The following TOM1L2 variants were observed in gnomAD, a reference collection of about 807,000 sequenced individuals.
The protein encoded by TOM1L2 is TOM1-like protein 2.
A neutral mutation model predicts 67.9 loss-of-function variants in TOM1L2; 31 were observed. The ratio of observed to expected loss-of-function variants is 0.46; its 90% CI spans 0.34 to 0.62. The LOEUF (loss-of-function observed/expected upper bound fraction) is 0.62, where lower values mean the gene tolerates loss of function less well. Ranked by LOEUF, TOM1L2 falls within the 20% of genes least tolerant of loss-of-function variation. TOM1L2 has a pLI of 0.01. For missense variants in TOM1L2, 606 were observed against 663.5 expected (o/e 0.91, Z 0.95); for synonymous variants, 256 against 254.0 (o/e 1.01, Z -0.07).
At chr17:17,883,769 C>T (rs2037850109) in intron 5 of TOM1L2, among the ~76,000 whole-genome samples, 1 of 152,166 alleles carries the variant, frequency 6.6e-6, no homozygotes. Context: ...CATGCTTGCC[C>T]TTTGGGTATC....
chr17:17,887,030 G>A (rs764083091), intron 4 of TOM1L2, among the ~76,000 whole-genome samples: 1 of 152,256 alleles, frequency 6.6e-6, no homozygotes, highest in Non-Finnish European at 1.5e-5. Flanking sequence ...AGAGTGCTCG[G>A]AGGTGCAGGC....
At chr17:17,861,331 G>A (rs2036546570) in intron 12 of TOM1L2, 145 bp downstream of exon 12, 10 of 660,302 alleles carry the variant, frequency 1.5e-5, no homozygotes, top group South Asian at 9.7e-5. Flanking sequence ...TGGGTTCCAC[G>A]GGGTGTCCCC....
At position 17,844,943 on chromosome 17, in the gene TOM1L2, C is replaced by CA. The variant is rs1479234187; in HGVS notation, c.*2691dup. ...TACTGTATCTGTGATTTCTAACACT[C>CA]ACGGAGAGGCTGGTGGGCCTTGAGA... On this transcript the variant is annotated 3_prime_UTR_variant, in exon 15 of 15. Transcript: ENST00000379504. 1 of 152,464 alleles carries CA rather than the reference C, an allele frequency of 6.6e-6. No homozygotes were observed. The highest frequency in any genetic ancestry group is 2.4e-5 in the African/African-American group (1 of 41,456). 9.4% of individuals were successfully genotyped at this position (152,464 alleles called of 1,614,324 possible).
At position 17,845,524 on chromosome 17, in the gene TOM1L2, C is replaced by T. The variant is rs1002848055; in HGVS notation, c.*2111G>A. 34 of 152,302 alleles carry T rather than the reference C, an allele frequency of 2.2e-4. No individual in the cohort carries two copies. The highest frequency in any genetic ancestry group is 4.4e-4 in the Non-Finnish European group (30 of 68,076). 9.4% of individuals were successfully genotyped at this position (152,302 alleles called of 1,614,324 possible). ...CTCCTGGTTCCATGAGGCAGGGAGG[C>T]TGGCTCTTCCCTCTGAGGACACTGG... On this transcript the variant is annotated 3_prime_UTR_variant, in exon 15 of 15. Coordinates refer to ENST00000379504, the MANE Select transcript of TOM1L2 (RefSeq NM_001082968.2).
At chr17:17,957,865 C>T (rs1035580148) in intron 1 of TOM1L2, among the ~76,000 whole-genome samples, 2 of 151,596 alleles carry the variant, frequency 1.3e-5, no homozygotes, top group Non-Finnish European at 2.9e-5. Flanking sequence ...CCGAGGTGGG[C>T]GGATCATGAG....
intron 6 of TOM1L2, among the ~76,000 whole-genome samples, chr17:17,880,681 T>C (rs2037676085): frequency 1.3e-5 from 2 of 152,096 alleles, no homozygotes. Context: ...AGCAGCAACA[T>C]CCAGAGCCGG....
intron 1 of TOM1L2, among the ~76,000 whole-genome samples, chr17:17,931,370 G>A (rs550413669): frequency 2.0e-5 from 3 of 152,288 alleles, no homozygotes; most frequent in Admixed American, 1.3e-4. Flanking sequence ...AAGATCTTTG[G>A]AGTCAGACCA....
intron 1 of TOM1L2, among the ~76,000 whole-genome samples, chr17:17,966,142 C>T (rs1311689623): frequency 1.3e-5 from 2 of 151,954 alleles, no homozygotes; most frequent in African/African-American, 4.8e-5. Flanking sequence ...AACAAAAAAA[C>T]AAACAAAAAA....
intron 1 of TOM1L2, among the ~76,000 whole-genome samples, chr17:17,936,731 CAG>C (rs1443167011): frequency 1.3e-5 from 2 of 152,024 alleles, no homozygotes; most frequent in African/African-American, 4.8e-5. Flanking sequence ...GTGGGAAAAA[CAG>C]GGCACAAAAT....
chr17:17,898,653 G>A lies in TOM1L2; in HGVS notation c.159C>T (p.Ala53=), dbSNP rs1210649136. 3 of 1,614,196 alleles carry A rather than the reference G, an allele frequency of 1.9e-6. No individual in the cohort carries two copies. The highest frequency in any genetic ancestry group is 2.5e-6 in the Non-Finnish European group (3 of 1,180,054). Residue 53 remains alanine (A), a synonymous_variant, in exon 3 of 15, where the codon GCC becomes GCT. Coordinates refer to ENST00000379504, the MANE Select transcript of TOM1L2 (RefSeq NM_001082968.2). ...TEEGPKDAIR[A]LKKRLNGNRN... is the part of the protein sequence containing the mutation. The stretch of plus-strand genomic sequence containing the variant: ...GGTTCCCGTTGAGCCGCTTCTTCAG[G>A]GCTCGAATGGCATCCTTTGGCCTGG...
In TOM1L2 at chr17:17,866,929, CAG is replaced by C. The variant is rs774592333; in HGVS notation, c.912-7_912-6del. 17 of 1,613,820 alleles carry C rather than the reference CAG, an allele frequency of 1.1e-5. No homozygotes were observed. The African/African-American group carries it at 1.5e-4, about 14-fold the overall frequency. On this transcript the variant is annotated splice_region_variant and splice_polypyrimidine_tract_variant and intron_variant, in intron 8 of 14. Coordinates refer to ENST00000379504, the MANE Select transcript of TOM1L2 (RefSeq NM_001082968.2). ...CCAGACCTGTATCGTTCGAACCTAACAGGGGAAGGGAAAGCAGAAGTAAGGAG... is the reference window on the plus strand; with the variant it reads ...CCAGACCTGTATCGTTCGAACCTAACGGGAAGGGAAAGCAGAAGTAAGGAG...
intron 1 of TOM1L2, among the ~76,000 whole-genome samples, chr17:17,922,710 G>C (rs1166813046): frequency 6.6e-6 from 1 of 152,180 alleles, no homozygotes; most frequent in Non-Finnish European, 1.5e-5. Context: ...AGTGATATAA[G>C]ACACGAAACA....
intron 12 of TOM1L2, chr17:17,851,281 G>A (rs1484686932): frequency 1.1e-5 from 4 of 372,752 alleles, no homozygotes; most frequent in Non-Finnish European, 2.0e-5. Flanking sequence ...TCAGCCCGGG[G>A]CTGCAAAACA....
At chr17:17,915,512 C>T (rs1392260494) in intron 1 of TOM1L2, among the ~76,000 whole-genome samples, 3 of 151,726 alleles carry the variant, frequency 2.0e-5, no homozygotes, top group African/African-American at 7.3e-5. Context: ...TGGCCCCTCA[C>T]CCCTTTTTTT....
chr17:17,888,963 C>T (rs1338426551), intron 4 of TOM1L2, among the ~76,000 whole-genome samples: 1 of 152,204 alleles, frequency 6.6e-6, no homozygotes, highest in Non-Finnish European at 1.5e-5. Context: ...GTCTTTGGTG[C>T]CCCTGGGGGT....
intron 12 of TOM1L2, chr17:17,851,173 G>C (rs1165686977): frequency 1.8e-6 from 1 of 567,028 alleles, no homozygotes; most frequent in Non-Finnish European, 3.2e-6. Context: ...TAAGAAGCAG[G>C]CTCCCGGCAG....
intron 1 of TOM1L2, among the ~76,000 whole-genome samples, chr17:17,936,787 T>C (rs1275776319): frequency 1.3e-5 from 2 of 152,204 alleles, no homozygotes; most frequent in Non-Finnish European, 2.9e-5. Flanking sequence ...GTTTTAATAA[T>C]ACAGGAAGAA....
chr17:17,869,546 T>A lies in TOM1L2; in HGVS notation c.778-73A>T. 1 of 1,504,250 alleles carries A rather than the reference T, an allele frequency of 6.6e-7. No homozygotes were observed. The highest frequency in any genetic ancestry group is 8.8e-7 in the Non-Finnish European group (1 of 1,130,074). The allele number at this position is 1,504,250 out of a possible 1,614,324, so 93.2% of individuals were successfully genotyped here. A position where few individuals can be genotyped will look rare whatever the true frequency, so the allele number is the denominator to read the frequency against. The stretch of plus-strand genomic sequence containing the variant: ...TCACATTCTATCTCCTTTGAAAAAA[T>A]TTGTACTGATTCTTAAAAGTCACAA... On this transcript the variant is annotated intron_variant, in intron 7 of 14. Coordinates refer to ENST00000379504, the MANE Select transcript of TOM1L2 (RefSeq NM_001082968.2).
At chr17:17,862,520 A>AGT (rs2036613667) in intron 11 of TOM1L2, 3 of 529,652 alleles carry the variant, frequency 5.7e-6, no homozygotes, top group Non-Finnish European at 9.9e-6. Flanking sequence ...AGGGCAGGAG[A>AGT]GTGTGTGTGT....
Sources: allele counts gnomAD v4.1 joint callset (sites outside exome capture counted in the v4.1 genomes callset), GRCh38; gene constraint gnomAD v4.1.1; transcripts MANE v1.5; gene names NCBI Gene and HGNC (gene_info 2026-07-23, HGNC 2026-07-21).